The following PKHD1L1 variants were observed in gnomAD, a reference collection of about 807,000 sequenced individuals.
The protein encoded by PKHD1L1 is PKHD1 like 1, also known as fibrocystin-L.
In PKHD1L1, 434 loss-of-function variants were observed where a neutral mutation model predicts 462.9. The ratio of observed to expected loss-of-function variants is 0.94; its 90% confidence interval spans 0.87 to 1.02. The LOEUF is 1.02. Ranked by LOEUF, PKHD1L1 falls within the 50% of genes least tolerant of loss-of-function variation. The pLI, the probability that PKHD1L1 is intolerant of heterozygous loss-of-function variation, is 0.00. For synonymous variants in PKHD1L1, 1,781 were observed against 1,750.0 expected, an observed-to-expected ratio of 1.02 and a Z score of -0.44; for missense variants, 5,202 against 5,096.1, an observed-to-expected ratio of 1.02 and a Z score of -0.63.
At chr8:109,393,213 T>C (rs1322297945) in intron 9 of PKHD1L1, among the ~76,000 whole-genome samples, 1 of 151,892 alleles carries the variant, frequency 6.6e-6, no homozygotes, top group East Asian at 1.9e-4. Context: ...CCAGAGACTC[T>C]TTAGTCTTGC....
chr8:109,493,085 T>C (rs1818912238), intron 62 of PKHD1L1, among the ~76,000 whole-genome samples: 1 of 151,074 alleles, frequency 6.6e-6, no homozygotes, highest in Non-Finnish European at 1.5e-5. Context: ...TAATCCTAGC[T>C]ACTTGGGAGG....
intron 9 of PKHD1L1, among the ~76,000 whole-genome samples, chr8:109,393,139 T>G (rs1023759218): frequency 6.6e-5 from 10 of 152,098 alleles, no homozygotes; most frequent in Non-Finnish European, 1.3e-4. Flanking sequence ...CCAAAAGGCT[T>G]CTGACATAAA....
Position 109,454,837 on chromosome 8 carries a change from A to T in PKHD1L1, c.6859A>T (p.Ile2287Phe). 1 of 1,613,656 alleles carries T rather than the reference A, an allele frequency of 6.2e-7. No individual in the cohort carries two copies. Among genetic ancestry groups the T allele is most frequent in the Non-Finnish European group, 8.5e-7 (1 of 1,179,684 alleles). Residue 2287 changes from isoleucine to phenylalanine, a missense_variant, in exon 45 of 78, where the codon ATC becomes TTC. Around this residue, in one of 3 missense-constraint regions of PKHD1L1, gnomAD observed 4,497 missense variants for 4,336.8 expected, o/e 1.04. Transcript: ENST00000378402. ...GAKTLAVREG[I>F]LDLHGVPVPV... The stretch of plus-strand genomic sequence containing the variant: ...CAAAACACTGGCTGTGCGGGAGGGA[A>T]TCCTGGATCTGCACGGTACTGTGGC...
At chr8:109,401,619 T>A in intron 14 of PKHD1L1, 31 bp downstream of exon 14, 1 of 1,179,102 alleles carries the variant, frequency 8.5e-7, no homozygotes, top group Non-Finnish European at 1.2e-6. Context: ...TAAATTACTG[T>A]GTGGTATTTA....
chr8:109,512,459 T>C (rs1292561089), intron 71 of PKHD1L1, among the ~76,000 whole-genome samples: 1 of 152,134 alleles, frequency 6.6e-6, no homozygotes, highest in Non-Finnish European at 1.5e-5. Context: ...GGGAATCCTT[T>C]CCCCATTGCT....
intron 5 of PKHD1L1, among the ~76,000 whole-genome samples, chr8:109,384,962 A>G (rs1168073389): frequency 2.6e-5 from 4 of 152,012 alleles, no homozygotes; most frequent in African/African-American, 9.7e-5. Context: ...TTTATATGTT[A>G]TATGTAAGAC....
chr8:109,386,655 C>T (rs1351392737), intron 6 of PKHD1L1, among the ~76,000 whole-genome samples: 1 of 151,942 alleles, frequency 6.6e-6, no homozygotes, highest in Admixed American at 6.6e-5. Context: ...AAAGAACTTC[C>T]AAGTAGAGAT....
At chr8:109,520,063 T>C (rs112893283) in intron 73 of PKHD1L1, among the ~76,000 whole-genome samples, 134 of 152,210 alleles carry the variant, frequency 8.8e-4, no homozygotes, top group African/African-American at 2.8e-3. Flanking sequence ...GTTTCTTCCA[T>C]TGGGGGGATA....
At chr8:109,423,640 A>T (rs1814587738) in intron 23 of PKHD1L1, among the ~76,000 whole-genome samples, 1 of 152,152 alleles carries the variant, frequency 6.6e-6, no homozygotes, top group African/African-American at 2.4e-5. Flanking sequence ...TTAAAATAAG[A>T]TTATTTATGT....
intron 52 of PKHD1L1, 109 bp downstream of exon 52, chr8:109,476,776 C>A: frequency 1.1e-6 from 1 of 932,736 alleles, no homozygotes; most frequent in South Asian, 2.1e-5. Context: ...TATACAGGAT[C>A]CAATAAATGT....
chr8:109,490,654 A>T (rs1269495334), intron 60 of PKHD1L1, among the ~76,000 whole-genome samples: 3 of 151,860 alleles, frequency 2.0e-5, no homozygotes, highest in Non-Finnish European at 4.4e-5. Context: ...TTCTGAAAAA[A>T]TAAATTTTAG....
intron 11 of PKHD1L1, among the ~76,000 whole-genome samples, chr8:109,397,229 C>G (rs567895415): frequency 6.6e-6 from 1 of 152,220 alleles, no homozygotes; most frequent in Non-Finnish European, 1.5e-5. Flanking sequence ...AATATGGCAA[C>G]CAGATTCAAG....
At chr8:109,461,356 A>G (rs535898439) in intron 47 of PKHD1L1, among the ~76,000 whole-genome samples, 2 of 152,286 alleles carry the variant, frequency 1.3e-5, no homozygotes, top group East Asian at 3.9e-4. Context: ...TTAAATTAAG[A>G]ATACTTCCTG....
At position 109,464,450 on chromosome 8, in the gene PKHD1L1, T is replaced by C. The variant is rs1817311272; in HGVS notation, c.7618T>C (p.Tyr2540His). 2.5e-6 allele frequency: 4 copies of C among 1,613,726 alleles called. No individual in the cohort carries two copies. The highest frequency in any genetic ancestry group is 3.3e-4 in the Middle Eastern group (2 of 6,056). Reference sequence around the variant, plus strand: ...TATTGAACATGGCAATATCCTCCAGTATAACTTGGCAGTATTTGTACAGCA... The same window carrying C: ...TATTGAACATGGCAATATCCTCCAGCATAACTTGGCAGTATTTGTACAGCA... ...DGIEHGNILQYNLAVFVQQST... is the reference protein window; with the variant it reads ...DGIEHGNILQHNLAVFVQQST... The change falls in exon 49 of 78, where the codon TAT becomes CAT. Residue 2540 changes from tyrosine (Y) to histidine (H), a missense_variant. Physicochemically the swap from Tyr to His is moderately conservative, Grantham distance 83. Transcript: ENST00000378402.
At chr8:109,366,108 C>G (rs1811218504) in intron 2 of PKHD1L1, among the ~76,000 whole-genome samples, 1 of 152,074 alleles carries the variant, frequency 6.6e-6, no homozygotes, top group Non-Finnish European at 1.5e-5. Context: ...ATAAAAAAAC[C>G]AAAACATTCT....
chr8:109,437,964 A>G (rs1211079218), intron 30 of PKHD1L1, among the ~76,000 whole-genome samples: 3 of 152,224 alleles, frequency 2.0e-5, no homozygotes, highest in African/African-American at 7.2e-5. Flanking sequence ...AATAAGAACT[A>G]TACCTGTCTA....
intron 34 of PKHD1L1, 33 bp from the exon 35 acceptor site, chr8:109,441,974 T>C: frequency 6.7e-7 from 1 of 1,496,668 alleles, no homozygotes; most frequent in South Asian, 1.4e-5. Flanking sequence ...ATTCTCTTTT[T>C]CTTTTAAAAT....
chr8:109,518,959 G>A (rs1479041771), intron 73 of PKHD1L1, among the ~76,000 whole-genome samples: 1 of 152,120 alleles, frequency 6.6e-6, no homozygotes, highest in African/African-American at 2.4e-5. Flanking sequence ...CAAGCTGCTG[G>A]AGGTGTAGCC....
chr8:109,476,471 T>G (rs754445066), intron 51 of PKHD1L1, 37 bp from the exon 52 acceptor site: 12 of 1,294,958 alleles, frequency 9.3e-6, no homozygotes, highest in Non-Finnish European at 1.2e-5. Context: ...CGAAGAATAT[T>G]AACATACAAG....
Sources: allele counts gnomAD v4.1 joint callset (sites outside exome capture counted in the v4.1 genomes callset), GRCh38; gene constraint gnomAD v4.1.1; regional missense constraint gnomAD v4.1.1; transcripts MANE v1.5; gene names NCBI Gene and HGNC (gene_info 2026-07-23, HGNC 2026-07-21).